The following CRACD variants were observed in gnomAD, a reference collection of about 807,000 sequenced individuals.
CRACD encodes the protein capping protein inhibiting regulator of actin dynamics, also known as capping protein-inhibiting regulator of actin dynamics.
Under a neutral mutation model 106.8 loss-of-function variants are expected in CRACD, and 56 were observed. The observed-to-expected ratio is 0.52, with a 90% confidence interval of 0.42 to 0.66. The LOEUF (loss-of-function observed/expected upper bound fraction) is 0.66, where lower values mean the gene tolerates loss of function less well. Among genes scored for constraint, CRACD ranks in the 30% least tolerant of loss-of-function variants. CRACD has a pLI of 0.00. For synonymous variants in CRACD, 754 were observed against 670.8 expected (o/e 1.12, Z -1.92); for missense variants, 1,730 against 1,623.2 (o/e 1.07, Z -1.13).
At chr4:56,169,718 G>A (rs529651608) in intron 1 of CRACD, among the ~76,000 whole-genome samples, 8 of 152,098 alleles carry the variant, frequency 5.3e-5, no homozygotes, top group South Asian at 4.2e-4. Context: ...GGCTCGTCTC[G>A]AACTCCTGAG....
rs550002162 is a variant in CRACD at position 56,328,301 on chromosome 4, T to C, written c.*497T>C. The C allele has an allele frequency of 6.0e-5, 31 of 518,398 alleles. No individual in the cohort carries two copies. The highest frequency in any genetic ancestry group is 1.2e-4 in the Non-Finnish European group (31 of 259,610). The allele number at this position is 518,398 out of a possible 1,614,324, so 32.1% of individuals were successfully genotyped here. On this transcript the variant is annotated 3_prime_UTR_variant, in exon 11 of 11. Coordinates refer to ENST00000682029, the MANE Select transcript of CRACD (RefSeq NM_001393381.1). ...CTAAAAGCAAGAACACCCATTCTCCTGAATGCAGTGAGTAATTGGGAATCA... is the reference window on the plus strand; with the variant it reads ...CTAAAAGCAAGAACACCCATTCTCCCGAATGCAGTGAGTAATTGGGAATCA...
chr4:56,135,371 A>G (rs961376417), intron 1 of CRACD, among the ~76,000 whole-genome samples: 2 of 152,242 alleles, frequency 1.3e-5, no homozygotes, highest in Non-Finnish European at 2.9e-5. Flanking sequence ...ACAGTGCATT[A>G]TTTGATGAAG....
chr4:56,217,068 A>G (rs939921068), intron 2 of CRACD, among the ~76,000 whole-genome samples: 1 of 150,694 alleles, frequency 6.6e-6, no homozygotes, highest in Non-Finnish European at 1.5e-5. Context: ...AATATTTTTG[A>G]TTAACATTCA....
intron 7 of CRACD, among the ~76,000 whole-genome samples, chr4:56,313,619 G>T (rs533526630): frequency 2.0e-5 from 3 of 152,222 alleles, no homozygotes; most frequent in Non-Finnish European, 4.4e-5. Context: ...CAGACCCGTT[G>T]TGTTTGCTTT....
intron 2 of CRACD, among the ~76,000 whole-genome samples, chr4:56,229,887 G>T (rs1026773597): frequency 2.0e-5 from 3 of 152,080 alleles, no homozygotes; most frequent in Non-Finnish European, 4.4e-5. Flanking sequence ...TCTTATTATA[G>T]CTCTCCAGTA....
chr4:56,108,398 A>G (rs1412987043), intron 1 of CRACD, among the ~76,000 whole-genome samples: 1 of 152,206 alleles, frequency 6.6e-6, no homozygotes, highest in Non-Finnish European at 1.5e-5. Flanking sequence ...TCAAATTGGG[A>G]GAATATAAAA....
At chr4:56,104,533 A>G (rs1273346436) in intron 1 of CRACD, among the ~76,000 whole-genome samples, 1 of 152,202 alleles carries the variant, frequency 6.6e-6, no homozygotes, top group South Asian at 2.1e-4. Context: ...TAGCTTTGAC[A>G]TTTATTTCTT....
chr4:56,142,025 G>T (rs1560462711), intron 1 of CRACD, among the ~76,000 whole-genome samples: 1 of 152,074 alleles, frequency 6.6e-6, no homozygotes, highest in South Asian at 2.1e-4. Context: ...TCCAAATTGT[G>T]AAAGTAATAG....
chr4:56,269,107 G>T (rs1742197829), intron 2 of CRACD, among the ~76,000 whole-genome samples: 1 of 152,186 alleles, frequency 6.6e-6, no homozygotes, highest in South Asian at 2.1e-4. Flanking sequence ...AGGTGGCCGG[G>T]CATGGTGGCT....
intron 2 of CRACD, among the ~76,000 whole-genome samples, chr4:56,227,725 T>G (rs1414617916): frequency 6.6e-6 from 1 of 152,122 alleles, no homozygotes; most frequent in Non-Finnish European, 1.5e-5. Context: ...AAAACAAATA[T>G]GGGCCACACT....
chr4:56,077,828 G>T (rs1577948503), intron 1 of CRACD, among the ~76,000 whole-genome samples: 1 of 152,170 alleles, frequency 6.6e-6, no homozygotes, highest in Non-Finnish European at 1.5e-5. Context: ...CCACAGCAGG[G>T]TTACTGCTGC....
chr4:56,060,188 G>A (rs1286737396), intron 1 of CRACD, among the ~76,000 whole-genome samples: 1 of 152,056 alleles, frequency 6.6e-6, no homozygotes, highest in Admixed American at 6.6e-5. Context: ...CGTACTGAAC[G>A]TGGAGGAGTG....
chr4:56,057,184 T>G (rs1305558039), intron 1 of CRACD, among the ~76,000 whole-genome samples: 1 of 152,198 alleles, frequency 6.6e-6, no homozygotes, highest in Non-Finnish European at 1.5e-5. Flanking sequence ...CAACCCTCAT[T>G]TTACTGATGA....
At chr4:56,088,291 C>A (rs988366868) in intron 1 of CRACD, among the ~76,000 whole-genome samples, 2 of 151,960 alleles carry the variant, frequency 1.3e-5, no homozygotes, top group Non-Finnish European at 2.9e-5. Context: ...TTTTTCAGTC[C>A]TTACTGGGGC....
In CRACD at chr4:56,133,874, A is replaced by G. The variant is rs564308188; in HGVS notation, c.-335-45410A>G. ...GGCAAAGACTAGAAAATGATTAATCAGGGCCTCAGGAATTGTGAAAGACTT... is the reference window on the plus strand; with the variant it reads ...GGCAAAGACTAGAAAATGATTAATCGGGGCCTCAGGAATTGTGAAAGACTT... On this transcript the variant is annotated intron_variant, in intron 1 of 10. Coordinates refer to ENST00000682029, the MANE Select transcript of CRACD (RefSeq NM_001393381.1). Among the ~76,000 whole-genome samples, 93 of 152,308 alleles carry G rather than the reference A, an allele frequency of 6.1e-4. 1 individual carries two copies. The highest frequency in any genetic ancestry group is 1.1e-3 in the Non-Finnish European group (74 of 68,024).
At chr4:56,322,023 A>G (rs1294108792) in intron 8 of CRACD, among the ~76,000 whole-genome samples, 2 of 152,224 alleles carry the variant, frequency 1.3e-5, no homozygotes, top group Non-Finnish European at 2.9e-5. Flanking sequence ...AAGGTTCTGG[A>G]CTACCAAAGT....
intron 1 of CRACD, among the ~76,000 whole-genome samples, chr4:56,077,964 A>G (rs1399858097): frequency 6.6e-6 from 1 of 152,202 alleles, no homozygotes; most frequent in African/African-American, 2.4e-5. Context: ...TGCCTGATGA[A>G]AAATGGGAAA....
intron 1 of CRACD, among the ~76,000 whole-genome samples, chr4:56,099,543 T>G (rs1310823824): frequency 6.6e-6 from 1 of 152,186 alleles, no homozygotes; most frequent in African/African-American, 2.4e-5. Flanking sequence ...AATGGCTGGT[T>G]TCCATGATTC....
rs1745376094 is a variant in CRACD, at chr4:56,314,410, C to CGGAGCGAAGGGAGCGGAG, written c.914_915insAAGGGAGCGGAGGGAGCG (p.Arg308_Glu309insArgGluArgArgGluArg). ...CTGGAAGCGCCAGGTTGGGAGGACG[C>CGGAGCGAAGGGAGCGGAG]GGAGCGGAGGGAGCGTGAGGAGCGC... On this transcript the variant is annotated inframe_insertion, in exon 8 of 11. Transcript: ENST00000682029. The surrounding 1 kb of genome is among the most constrained non-coding windows in gnomAD (Gnocchi z 4.4). 1.9e-6 allele frequency: 3 copies of CGGAGCGAAGGGAGCGGAG among 1,540,992 alleles called. No individual in the cohort carries two copies. The highest frequency in any genetic ancestry group is 2.6e-6 in the Non-Finnish European group (3 of 1,143,526).
Sources: allele counts gnomAD v4.1 joint callset (sites outside exome capture counted in the v4.1 genomes callset), GRCh38; gene constraint gnomAD v4.1.1; non-coding constraint Gnocchi (gnomAD v3.1); transcripts MANE v1.5; gene names NCBI Gene and HGNC (gene_info 2026-07-23, HGNC 2026-07-21).